CPNE4: variants seen among roughly 807,000 people sequenced by gnomAD.
CPNE4 encodes copine-4.
In CPNE4, 25 loss-of-function variants were observed where a neutral mutation model predicts 67.9. The observed-to-expected ratio is 0.37, with a 90% CI of 0.27 to 0.51. CPNE4 has a LOEUF of 0.51. Ranked by LOEUF, CPNE4 falls within the 20% of genes least tolerant of loss-of-function variation. CPNE4 has a pLI of 0.93. For synonymous variants in CPNE4, 242 were observed against 244.9 expected (o/e 0.99, Z 0.11); for missense variants, 464 against 690.8 (o/e 0.67, Z 3.68).
At chr3:131,952,509 C>A (rs572362985) in intron 1 of CPNE4, among the ~76,000 whole-genome samples, 1 of 98,404 alleles carries the variant, frequency 1.0e-5, no homozygotes, top group East Asian at 3.0e-4. Flanking sequence ...CCGCCCCATC[C>A]GGGAGGGAGG....
intron 2 of CPNE4, among the ~76,000 whole-genome samples, chr3:131,847,299 C>T (rs953686122): frequency 2.0e-5 from 3 of 152,138 alleles, no homozygotes; most frequent in Admixed American, 6.6e-5. Context: ...ATACATATGC[C>T]CTTTACCTCT....
chr3:131,707,431 TC>T (rs2081440505), intron 3 of CPNE4, among the ~76,000 whole-genome samples: 2 of 152,228 alleles, frequency 1.3e-5, no homozygotes, highest in Non-Finnish European at 2.9e-5. Context: ...CGTCTTGAGA[TC>T]CTTTACTTAA....
intron 2 of CPNE4, among the ~76,000 whole-genome samples, chr3:131,748,478 T>G (rs2082547343): frequency 6.6e-6 from 1 of 152,014 alleles, no homozygotes; most frequent in Non-Finnish European, 1.5e-5. Context: ...GAAGTGTTCC[T>G]TTCTTTTATT....
chr3:131,853,609 G>C (rs2086322939), intron 2 of CPNE4, among the ~76,000 whole-genome samples: 1 of 151,592 alleles, frequency 6.6e-6, no homozygotes, highest in Non-Finnish European at 1.5e-5. Flanking sequence ...TTCTCTTAAA[G>C]GCACTATTAG....
At chr3:131,935,163 C>T (rs919633181) in intron 1 of CPNE4, among the ~76,000 whole-genome samples, 3 of 152,062 alleles carry the variant, frequency 2.0e-5, no homozygotes, top group East Asian at 1.9e-4. Context: ...TTTTTTCCAG[C>T]GGTCTTGAGC....
intron 1 of CPNE4, among the ~76,000 whole-genome samples, chr3:132,018,251 G>C (rs2073927061): frequency 6.6e-6 from 1 of 152,158 alleles, no homozygotes; most frequent in Non-Finnish European, 1.5e-5. Flanking sequence ...ATGCTTTAGG[G>C]ATGTCCATAA....
intron 7 of CPNE4, among the ~76,000 whole-genome samples, chr3:131,589,657 C>T (rs1343653844): frequency 6.6e-6 from 1 of 152,208 alleles, no homozygotes; most frequent in Non-Finnish European, 1.5e-5. Context: ...TTGAAAGTTT[C>T]TCTAAAATGG....
intron 2 of CPNE4, among the ~76,000 whole-genome samples, chr3:131,776,175 G>A (rs2083285480): frequency 6.6e-6 from 1 of 152,066 alleles, no homozygotes; most frequent in Non-Finnish European, 1.5e-5. Flanking sequence ...TTTCCAGTAA[G>A]CCTCTCAAAC....
intron 2 of CPNE4, among the ~76,000 whole-genome samples, chr3:131,795,378 A>T (rs2083892027): frequency 6.6e-6 from 1 of 152,194 alleles, no homozygotes; most frequent in Admixed American, 6.5e-5. Flanking sequence ...AGGGGACCTC[A>T]GAGTAATCTT....
At chr3:131,613,547 G>A (rs1253811539) in intron 7 of CPNE4, among the ~76,000 whole-genome samples, 1 of 152,148 alleles carries the variant, frequency 6.6e-6, no homozygotes. Context: ...GGGAAAATTG[G>A]CAAATATGAG....
At chr3:131,755,761 T>C (rs1583147136) in intron 2 of CPNE4, among the ~76,000 whole-genome samples, 2 of 152,346 alleles carry the variant, frequency 1.3e-5, no homozygotes, top group African/African-American at 4.8e-5. Flanking sequence ...TTGTCTACAT[T>C]ATTATTGTAA....
chr3:131,886,367 T>C (rs1042430222), intron 2 of CPNE4, among the ~76,000 whole-genome samples: 1 of 152,206 alleles, frequency 6.6e-6, no homozygotes, highest in Non-Finnish European at 1.5e-5. Flanking sequence ...TTTTAGAAGA[T>C]GTACGGAAAC....
At chr3:131,606,292 A>G (rs1460817813) in intron 7 of CPNE4, among the ~76,000 whole-genome samples, 2 of 152,222 alleles carry the variant, frequency 1.3e-5, no homozygotes, top group East Asian at 3.8e-4. Flanking sequence ...TGCAACCACC[A>G]TAGGTGTTCA....
intron 2 of CPNE4, among the ~76,000 whole-genome samples, chr3:131,846,897 C>A (rs2086020297): frequency 6.6e-6 from 1 of 152,154 alleles, no homozygotes; most frequent in Non-Finnish European, 1.5e-5. Flanking sequence ...GTGGACACTC[C>A]CGGAAAATTA....
chr3:131,756,083 A>G (rs1471306535), intron 2 of CPNE4, among the ~76,000 whole-genome samples: 3 of 152,180 alleles, frequency 2.0e-5, no homozygotes, highest in African/African-American at 7.2e-5. Flanking sequence ...GTGTCTATAA[A>G]GAAACAGCGA....
intron 1 of CPNE4, among the ~76,000 whole-genome samples, chr3:132,014,160 G>C (rs2073837983): frequency 6.6e-6 from 1 of 152,172 alleles, no homozygotes; most frequent in Non-Finnish European, 1.5e-5. Context: ...AGTCTTGGAA[G>C]ACATGTCTGC....
At chr3:131,638,130 A>G (rs2079441814) in intron 7 of CPNE4, among the ~76,000 whole-genome samples, 1 of 152,174 alleles carries the variant, frequency 6.6e-6, no homozygotes, top group Admixed American at 6.5e-5. Flanking sequence ...CACAATGAAA[A>G]AAAAACCACA....
At chr3:131,778,108 G>A (rs1335261847) in intron 2 of CPNE4, among the ~76,000 whole-genome samples, 1 of 152,078 alleles carries the variant, frequency 6.6e-6, no homozygotes, top group Admixed American at 6.6e-5. Flanking sequence ...ATTAGCATTC[G>A]ACTCTGAACT....
chr3:131,696,014 C>T (rs554875564), intron 5 of CPNE4, among the ~76,000 whole-genome samples: 3 of 152,180 alleles, frequency 2.0e-5, no homozygotes, highest in Non-Finnish European at 4.4e-5. Flanking sequence ...GCACCTCATG[C>T]ATAACAAGCA....
Sources: allele counts gnomAD v4.1 joint callset (sites outside exome capture counted in the v4.1 genomes callset), GRCh38; gene constraint gnomAD v4.1.1; transcripts MANE v1.5; gene names NCBI Gene and HGNC (gene_info 2026-07-23, HGNC 2026-07-21).